The following TNNI3K variants were observed in gnomAD, a reference collection of about 807,000 sequenced individuals.
TNNI3K encodes the protein TNNI3 interacting kinase, also known as serine/threonine-protein kinase TNNI3K.
In TNNI3K, 140 loss-of-function variants were observed where a neutral mutation model predicts 114.5. The ratio of observed to expected loss-of-function variants is 1.22; its 90% confidence interval spans 1.07 to 1.41. TNNI3K has a LOEUF of 1.41. TNNI3K is among the 40% of genes most tolerant of loss of function. The pLI is 0.00. For synonymous variants in TNNI3K, 347 were observed against 347.5 expected (o/e 1.00, Z 0.02); for missense variants, 1,125 against 1,007.6 (o/e 1.12, Z -1.58).
At chr1:74,408,296 A>G (rs1274417636) in intron 17 of TNNI3K, among the ~76,000 whole-genome samples, 1 of 152,198 alleles carries the variant, frequency 6.6e-6, no homozygotes, top group Non-Finnish European at 1.5e-5. Flanking sequence ...TGATCACTGA[A>G]ACTCATTTAC....
chr1:74,401,359 G>A (rs1475827570), intron 17 of TNNI3K, among the ~76,000 whole-genome samples: 2 of 152,010 alleles, frequency 1.3e-5, no homozygotes, highest in East Asian at 3.9e-4. Context: ...TTATTTATTG[G>A]TTTCAATACT....
chr1:74,338,557 T>C (rs1660595476), intron 7 of TNNI3K, among the ~76,000 whole-genome samples: 1 of 151,928 alleles, frequency 6.6e-6, no homozygotes, highest in Non-Finnish European at 1.5e-5. Context: ...TGCTGGCCTT[T>C]GCAGCGGGAA....
chr1:74,540,599 CTT>C (rs138609658), intron 24 of TNNI3K, among the ~76,000 whole-genome samples: 2 of 110,234 alleles, frequency 1.8e-5, no homozygotes, highest in African/African-American at 9.1e-5. Flanking sequence ...AAGTACAACT[CTT>C]TTTTTAAAAA....
intron 20 of TNNI3K, among the ~76,000 whole-genome samples, chr1:74,446,547 A>C (rs1666693333): frequency 6.7e-6 from 1 of 148,612 alleles, no homozygotes; most frequent in Admixed American, 6.6e-5. Flanking sequence ...TATTTTAATT[A>C]GATCCCATTT....
In TNNI3K at chr1:74,439,517, T is replaced by C; in HGVS notation, c.1906T>C (p.Phe636Leu). 2 of 1,613,376 alleles carry C rather than the reference T, an allele frequency of 1.2e-6. No individual in the cohort carries two copies. The highest frequency in any genetic ancestry group is 1.7e-6 in the Non-Finnish European group (2 of 1,179,592). Residue 636 changes from phenylalanine to leucine, a missense_variant, in exon 20 of 25, where the codon TTC (phenylalanine) becomes CTC (leucine). Phe to Leu is a conservative substitution (Grantham distance 22). Transcript: ENST00000326637. ...CCTCCGTTGGATGGCTCCTGAGGTG[T>C]TCACGCAGTGCACTCGGTACACCAT... is the stretch of plus-strand genomic sequence containing the variant. ...GNLRWMAPEV[F>L]TQCTRYTIKA...
intron 17 of TNNI3K, among the ~76,000 whole-genome samples, chr1:74,388,770 A>G (rs1407088084): frequency 6.6e-6 from 1 of 152,212 alleles, no homozygotes. Flanking sequence ...CTTGAAAAAT[A>G]TACCATCAAA....
At position 74,391,957 on chromosome 1, in the gene TNNI3K, A is replaced by ATTTTTTTTTTTTTTTT. The variant is rs34656417; in HGVS notation, c.1772+21576_1772+21591dup. 3.8e-3 allele frequency among the ~76,000 whole-genome samples: 353 copies of ATTTTTTTTTTTTTTTT among 92,996 alleles called. 25 individuals are homozygous for ATTTTTTTTTTTTTTTT. Among genetic ancestry groups the ATTTTTTTTTTTTTTTT allele is most frequent in the African/African-American group, 9.0e-3 (231 of 25,660 alleles). 61.0% of individuals were successfully genotyped at this position (92,996 alleles called of 152,430 possible). ...TTGATTTAGGATGGTACAGCTTATT[A>ATTTTTTTTTTTTTTTT]TTTTTTTTTTTTTTTTTTTTTTTTT... is the stretch of plus-strand genomic sequence containing the variant. On this transcript the variant is annotated intron_variant, in intron 17 of 24. Coordinates refer to ENST00000326637, the MANE Select transcript of TNNI3K (RefSeq NM_015978.3).
intron 4 of TNNI3K, among the ~76,000 whole-genome samples, chr1:74,265,474 T>G (rs964447367): frequency 6.6e-6 from 1 of 151,888 alleles, no homozygotes; most frequent in East Asian, 1.9e-4. Context: ...AATGCTGCAG[T>G]GGGTCCTGAA....
chr1:74,480,605 A>G (rs545582139), intron 21 of TNNI3K: 1 of 717,248 alleles, frequency 1.4e-6, no homozygotes, highest in South Asian at 1.5e-5. Context: ...CGTGCCTCCG[A>G]AAGAACTGTC....
At chr1:74,348,053 T>C (rs1661117025) in intron 9 of TNNI3K, among the ~76,000 whole-genome samples, 1 of 152,220 alleles carries the variant, frequency 6.6e-6, no homozygotes, top group African/African-American at 2.4e-5. Flanking sequence ...TTTGGTGTTT[T>C]AGACATGAAG....
At chr1:74,294,586 A>G (rs1194856529) in intron 5 of TNNI3K, among the ~76,000 whole-genome samples, 2 of 152,052 alleles carry the variant, frequency 1.3e-5, no homozygotes, top group Non-Finnish European at 2.9e-5. Flanking sequence ...GAGCTGAAGG[A>G]AAACTTAAAT....
chr1:74,330,154 G>A (rs539726234), intron 5 of TNNI3K, among the ~76,000 whole-genome samples: 2 of 152,124 alleles, frequency 1.3e-5, no homozygotes, highest in South Asian at 4.1e-4. Flanking sequence ...GTTGTGAAAG[G>A]TAGCAAAATA....
At chr1:74,331,816 G>T (rs1394015444) in intron 6 of TNNI3K, among the ~76,000 whole-genome samples, 1 of 152,090 alleles carries the variant, frequency 6.6e-6, no homozygotes, top group East Asian at 1.9e-4. Context: ...GCCTAAATTT[G>T]AAAAATTCCT....
chr1:74,287,246 G>A (rs1006271687), intron 5 of TNNI3K, among the ~76,000 whole-genome samples: 1 of 152,144 alleles, frequency 6.6e-6, no homozygotes, highest in East Asian at 1.9e-4. Context: ...ACCAGTGTAT[G>A]CATTATTGAG....
intron 21 of TNNI3K, chr1:74,480,664 G>C (rs199845398): frequency 7.0e-6 from 5 of 717,250 alleles, no homozygotes; most frequent in Admixed American, 2.0e-5. Context: ...GGGTCAGGCC[G>C]CTTGTGTTTC....
In TNNI3K at chr1:74,534,558, G is replaced by T. The variant is rs1367038978; in HGVS notation, c.2352-5676G>T. ...ATTTGGATTCATTATGACACTGCCT[G>T]GTCCCACCACACTAGAGAGATGGCA... is the stretch of plus-strand genomic sequence containing the variant. On this transcript the variant is annotated intron_variant, in intron 23 of 24. Coordinates refer to ENST00000326637, the MANE Select transcript of TNNI3K (RefSeq NM_015978.3). Among the ~76,000 whole-genome samples the T allele has an allele frequency of 3.3e-5, 5 of 152,104 alleles. No individual in the cohort carries two copies. In the East Asian group the frequency reaches 9.6e-4, roughly 29 times the overall value.
chr1:74,418,827 C>T (rs1237808827), intron 17 of TNNI3K, among the ~76,000 whole-genome samples: 1 of 151,826 alleles, frequency 6.6e-6, no homozygotes, highest in Admixed American at 6.6e-5. Context: ...AGGATACCTT[C>T]GGTCATTGCA....
At chr1:74,332,512 G>T (rs1477201659) in intron 6 of TNNI3K, among the ~76,000 whole-genome samples, 3 of 152,042 alleles carry the variant, frequency 2.0e-5, no homozygotes, top group Non-Finnish European at 4.4e-5. Flanking sequence ...ATGTTAGCCA[G>T]GATGGTCTCG....
Position 74,250,699 on chromosome 1 carries a change from T to G in TNNI3K, c.263T>G (p.Met88Arg). ...GGKKSHIRTLMLKGLRPSRLT... is the reference protein window; with the variant it reads ...GGKKSHIRTLRLKGLRPSRLT... ...AAGAAATCACATATTCGAACTCTTA[T>G]GTTGAAAGGGCTCCGCCCATCTCGA... is the stretch of plus-strand genomic sequence containing the variant. The change falls in exon 4 of 25, where the codon ATG becomes AGG. Residue 88 changes from methionine to arginine, a missense_variant. Coordinates refer to ENST00000326637, the MANE Select transcript of TNNI3K (RefSeq NM_015978.3). 1 of 1,612,308 alleles carries G rather than the reference T, an allele frequency of 6.2e-7. No individual in the cohort carries two copies. Among genetic ancestry groups the G allele is most frequent in the Non-Finnish European group, 8.5e-7 (1 of 1,179,462 alleles).
Sources: allele counts gnomAD v4.1 joint callset (sites outside exome capture counted in the v4.1 genomes callset), GRCh38; gene constraint gnomAD v4.1.1; transcripts MANE v1.5; gene names NCBI Gene and HGNC (gene_info 2026-07-23, HGNC 2026-07-21).